USP28: variants seen among roughly 807,000 people sequenced by gnomAD.
USP28 encodes ubiquitin specific peptidase 28, also known as ubiquitin carboxyl-terminal hydrolase 28.
Under a neutral mutation model 145.0 loss-of-function variants are expected in USP28, and 113 were observed. That is an observed-to-expected ratio of 0.78 (90% CI 0.67 to 0.91). USP28 has a LOEUF of 0.91. Ranked by LOEUF, USP28 falls within the 40% of genes least tolerant of loss-of-function variation. The probability of loss-of-function intolerance (pLI) is 0.00; values close to 1 mark genes in which losing one functional copy is unlikely to be tolerated. For synonymous variants in USP28, 447 were observed against 450.9 expected, an observed-to-expected ratio of 0.99 and a Z score of 0.11; for missense variants, 1,201 against 1,289.6, an observed-to-expected ratio of 0.93 and a Z score of 1.05.
chr11:113,807,275 T>C (rs564253231), intron 18 of USP28, among the ~76,000 whole-genome samples: 1 of 152,308 alleles, frequency 6.6e-6, no homozygotes, highest in East Asian at 1.9e-4. Context: ...GGTTTCACCA[T>C]GTTGGCCAGG....
At chr11:113,826,720 G>A (rs767822276) in intron 11 of USP28, among the ~76,000 whole-genome samples, 4 of 151,814 alleles carry the variant, frequency 2.6e-5, no homozygotes, top group African/African-American at 4.8e-5. Context: ...GGGAGTTCGC[G>A]ACCAGCCTGA....
At chr11:113,809,009 G>C in intron 17 of USP28, 54 bp downstream of exon 17, 1 of 1,564,838 alleles carries the variant, frequency 6.4e-7, no homozygotes, top group Non-Finnish European at 8.7e-7. Flanking sequence ...GCTGGCTAGG[G>C]GAGTACAGCA....
intron 3 of USP28, among the ~76,000 whole-genome samples, chr11:113,846,088 GC>G (rs1307094852): frequency 3.3e-5 from 5 of 152,158 alleles, no homozygotes; most frequent in Non-Finnish European, 5.9e-5. Context: ...AGTGAAATAA[GC>G]CCACTGCAAA....
At chr11:113,847,176 G>C (rs1945955614) in intron 3 of USP28, among the ~76,000 whole-genome samples, 1 of 151,930 alleles carries the variant, frequency 6.6e-6, no homozygotes, top group Non-Finnish European at 1.5e-5. Flanking sequence ...AAATTAACCT[G>C]ACAATACCTA....
At chr11:113,854,300 G>A (rs202147259) in exon 2 of USP28, 4 of 1,614,066 alleles carry the variant, frequency 2.5e-6, no homozygotes, top group South Asian at 1.1e-5. Flanking sequence ...GAATGCCTGT[G>A]ATTTCTCTCA....
chr11:113,837,095 T>A (rs1300731304), intron 5 of USP28, among the ~76,000 whole-genome samples: 4 of 152,214 alleles, frequency 2.6e-5, no homozygotes, highest in Non-Finnish European at 5.9e-5. Context: ...GCAGTTCCAA[T>A]CTCCCTAACC....
chr11:113,813,663 G>T, intron 15 of USP28: 1 of 496,312 alleles, frequency 2.0e-6, no homozygotes, highest in Non-Finnish European at 3.5e-6. Context: ...ATTCCATGTG[G>T]CAGAATTCAA....
chr11:113,875,346 G>T, intron 1 of USP28, 99 bp downstream of exon 1: 1 of 1,004,818 alleles, frequency 1.0e-6, no homozygotes, highest in Non-Finnish European at 1.2e-6. Context: ...CGGCCGGGGC[G>T]CCCTCCGCAG....
chr11:113,815,075 T>C (rs924035384), intron 14 of USP28, 99 bp downstream of exon 14: 9 of 1,035,778 alleles, frequency 8.7e-6, no homozygotes, highest in Non-Finnish European at 1.3e-5. Flanking sequence ...TTCTGTAGCA[T>C]GTACAGTAAT....
chr11:113,799,043 A>G (rs537858961), exon 25 of USP28: 1 of 552,540 alleles, frequency 1.8e-6, no homozygotes, highest in Non-Finnish European at 3.1e-6. Flanking sequence ...TTTTCTAGTG[A>G]AACAGCTTTT....
exon 25 of USP28, chr11:113,797,933 C>G (rs956466413): frequency 1.3e-5 from 2 of 152,416 alleles, no homozygotes; most frequent in African/African-American, 2.4e-5. Flanking sequence ...CAATTTTTTT[C>G]CCTTTCATGA....
intron 5 of USP28, among the ~76,000 whole-genome samples, chr11:113,837,299 T>C (rs1372360709): frequency 2.6e-5 from 4 of 152,356 alleles, no homozygotes; most frequent in East Asian, 3.9e-4. Context: ...CTGCTAGACA[T>C]AGAGCAGGTG....
At chr11:113,868,660 C>T (rs1273092469) in intron 1 of USP28, among the ~76,000 whole-genome samples, 2 of 152,112 alleles carry the variant, frequency 1.3e-5, no homozygotes, top group Admixed American at 1.3e-4. Flanking sequence ...ATGGTTCACG[C>T]CTGTAATCCC....
At position 113,833,408 on chromosome 11, in the gene USP28, C is replaced by A. The variant is rs912224596; in HGVS notation, c.759+12G>T. The A allele has an allele frequency of 6.2e-7, 1 of 1,607,306 alleles. No homozygotes were observed. The highest frequency in any genetic ancestry group is 8.5e-7 in the Non-Finnish European group (1 of 1,178,502). ...CATGACTTCAAACTCAAGAACAAGG[C>A]TTCTTTTGTACCTGCTGTTCCTCAG... On this transcript the variant is annotated intron_variant, in intron 7 of 24. Coordinates refer to ENST00000003302, the Ensembl canonical transcript of USP28.
At chr11:113,854,140 T>A in intron 2 of USP28, 118 bp downstream of exon 2, 1 of 889,322 alleles carries the variant, frequency 1.1e-6, no homozygotes, top group Non-Finnish European at 1.7e-6. Context: ...ATTTGACCTG[T>A]AGAGCTTCTG....
intron 4 of USP28, 88 bp downstream of exon 4, chr11:113,841,575 G>GT: frequency 1.3e-6 from 1 of 788,226 alleles, no homozygotes; most frequent in Non-Finnish European, 2.1e-6. Context: ...GTGCTTAACA[G>GT]AATTATTCCT....
intron 12 of USP28, 163 bp from the exon 13 acceptor site, chr11:113,818,000 C>A (rs1399711069): frequency 8.1e-6 from 5 of 616,788 alleles, no homozygotes; most frequent in Non-Finnish European, 1.3e-5. Context: ...GGTAAAAATT[C>A]TCTAACTACA....
chr11:113,870,371 T>TA (rs1420791479), intron 1 of USP28, among the ~76,000 whole-genome samples: 4 of 151,654 alleles, frequency 2.6e-5, no homozygotes, highest in African/African-American at 7.3e-5. Context: ...TATAAAAAAT[T>TA]AAAAAAACAG....
chr11:113,817,595 T>C (rs1301943642), intron 13 of USP28, 63 bp downstream of exon 13: 2 of 1,546,334 alleles, frequency 1.3e-6, no homozygotes, highest in Admixed American at 1.8e-5. Context: ...ACAAAGATGG[T>C]GCATAGTTTA....
Sources: gnomAD v4.1 joint callset for allele counts (sites outside exome capture counted in the v4.1 genomes callset) on GRCh38, gnomAD v4.1.1 for gene constraint, MANE v1.5 for transcripts, NCBI Gene and HGNC (gene_info 2026-07-23, HGNC 2026-07-21) for gene names.